The following FREM2 variants were observed in gnomAD, a reference collection of about 807,000 sequenced individuals.
The protein encoded by FREM2 is FRAS1-related extracellular matrix protein 2.
Under a neutral mutation model 219.9 loss-of-function variants are expected in FREM2, and 119 were observed. That is an observed-to-expected ratio of 0.54 (90% CI 0.47 to 0.63). The LOEUF (loss-of-function observed/expected upper bound fraction) is 0.63, where lower values mean the gene tolerates loss of function less well. Ranked by LOEUF, FREM2 falls within the 30% of genes least tolerant of loss-of-function variation. FREM2 has a pLI of 0.00. For synonymous variants in FREM2, 1,562 were observed against 1,522.8 expected, an observed-to-expected ratio of 1.03 and a Z score of -0.60; for missense variants, 4,030 against 3,993.6, an observed-to-expected ratio of 1.01 and a Z score of -0.25.
At chr13:38,793,310 A>T (rs190771287) in intron 6 of FREM2, among the ~76,000 whole-genome samples, 186 of 152,340 alleles carry the variant, frequency 1.2e-3, no homozygotes, top group African/African-American at 4.3e-3. Context: ...CACCTTTCCC[A>T]AACCAGGTTC....
chr13:38,737,196 C>T (rs563511045), intron 2 of FREM2, among the ~76,000 whole-genome samples: 1 of 152,142 alleles, frequency 6.6e-6, no homozygotes, highest in East Asian at 1.9e-4. Context: ...TAATACAGAC[C>T]CTTGAATGTG....
In FREM2 at chr13:38,877,260, G is replaced by T; in HGVS notation, c.8671+17G>T. ...TTGCAGAAGGTATCACTTTACAAATGAGAGGGATGCTCTGTTTGTCATGTA... is the reference window on the plus strand; with the variant it reads ...TTGCAGAAGGTATCACTTTACAAATTAGAGGGATGCTCTGTTTGTCATGTA... On this transcript the variant is annotated intron_variant, in intron 21 of 23. Transcript: ENST00000280481. 1 of 1,613,304 alleles carries T rather than the reference G, an allele frequency of 6.2e-7. No homozygotes were observed. Among genetic ancestry groups the T allele is most frequent in the African/African-American group, 1.3e-5 (1 of 75,014 alleles).
At chr13:38,721,073 G>A (rs1871221059) in intron 2 of FREM2, among the ~76,000 whole-genome samples, 1 of 152,190 alleles carries the variant, frequency 6.6e-6, no homozygotes, top group East Asian at 1.9e-4. Flanking sequence ...CCTAGGTGAT[G>A]GGTTGATAGG....
Position 38,874,546 on chromosome 13 carries a change from A to G in FREM2, c.8241A>G (p.Thr2747=), listed in dbSNP as rs767536393. 1.2e-6 allele frequency: 2 copies of G among 1,614,050 alleles called. No individual in the cohort carries two copies. Among genetic ancestry groups the G allele is most frequent in the African/African-American group, 1.3e-5 (1 of 74,936 alleles). The stretch of plus-strand genomic sequence containing the variant: ...GGCGCTTGGCCGTGCACTTCAAGAC[A>G]GAGGCTCAGTTCCATGGCTTATTTG... ...DEGRLAVHFK[T]EAQFHGLFVL... Residue 2747 remains threonine (T), a synonymous_variant, in exon 18 of 24, where the codon ACA becomes ACG. Transcript: ENST00000280481.
At chr13:38,807,189 T>TATGTA (rs1555268805) in intron 6 of FREM2, among the ~76,000 whole-genome samples, 1 of 45,378 alleles carries the variant, frequency 2.2e-5, no homozygotes, top group African/African-American at 6.2e-5. Flanking sequence ...CTTGTCTCTG[T>TATGTA]TATATATATA....
chr13:38,696,575 G>A (rs941068086), intron 1 of FREM2, among the ~76,000 whole-genome samples: 2 of 151,984 alleles, frequency 1.3e-5, no homozygotes, highest in Admixed American at 1.3e-4. Context: ...TCACTGATTG[G>A]CCCAGATCAA....
chr13:38,846,818 A>C (rs750833188), intron 7 of FREM2, 96 bp downstream of exon 7: 3 of 1,361,762 alleles, frequency 2.2e-6, no homozygotes, highest in Non-Finnish European at 3.1e-6. Flanking sequence ...ACTTCTATTA[A>C]AGCAGTTGGC....
intron 15 of FREM2, among the ~76,000 whole-genome samples, chr13:38,863,862 C>A (rs976084597): frequency 2.6e-5 from 4 of 151,796 alleles, no homozygotes; most frequent in Non-Finnish European, 4.4e-5. Flanking sequence ...GGTGGAGTTT[C>A]ACCTTTGATG....
intron 2 of FREM2, among the ~76,000 whole-genome samples, chr13:38,727,689 AT>A (rs748535775): frequency 1.3e-5 from 2 of 152,236 alleles, no homozygotes; most frequent in Admixed American, 6.5e-5. Flanking sequence ...CACCAAGTAC[AT>A]TACAATGGTA....
chr13:38,764,422 A>T lies in FREM2; in HGVS notation c.5382A>T (p.Arg1794Ser). The T allele has an allele frequency of 3.8e-6, 6 of 1,579,720 alleles. No individual in the cohort carries two copies. The highest frequency in any genetic ancestry group is 4.3e-6 in the Non-Finnish European group (5 of 1,156,140). Residue 1794 changes from arginine to serine, a missense_variant, in exon 3 of 24, where the codon AGA becomes AGT. By Grantham distance (110) the Arg-to-Ser change is moderately radical. Transcript: ENST00000280481. ...TTCTAGATGTTGTTCTTAAACGTAG[A>T]GGTTACTTGGGAGAAACTTCTTTTA... ...SKFLDVVLKR[R>S]GYLGETSFIS...
intron 6 of FREM2, among the ~76,000 whole-genome samples, chr13:38,846,208 T>G (rs9548500): frequency 0.12 from 18,670 of 151,290 alleles, 1,382 homozygotes; most frequent in Admixed American, 0.21. Flanking sequence ...ATGAGTGGCT[T>G]GGCCAAAGTA....
At chr13:38,854,228 C>T (rs1877476200) in intron 11 of FREM2, among the ~76,000 whole-genome samples, 1 of 151,430 alleles carries the variant, frequency 6.6e-6, no homozygotes, top group Non-Finnish European at 1.5e-5. Context: ...AACTTGACCA[C>T]CGTCCAGCAA....
rs1307824036 is a variant in FREM2 at position 38,874,571 on chromosome 13, G to T, written c.8266G>T (p.Val2756Leu). The stretch of plus-strand genomic sequence containing the variant: ...AGAGGCTCAGTTCCATGGCTTATTT[G>T]TGCTGTCACATCCCGGTAAGCCCCG... ...KTEAQFHGLF[V>L]LSHPASFTSS... Residue 2756 changes from valine to leucine, a missense_variant, in exon 18 of 24, where the codon GTG becomes TTG. This residue lies in a region of FREM2 where 928 missense variants were observed against 1,042.9 expected (regional missense o/e 0.89). Transcript: ENST00000280481. 1 of 1,613,972 alleles carries T rather than the reference G, an allele frequency of 6.2e-7. No individual in the cohort carries two copies. The highest frequency in any genetic ancestry group is 1.1e-5 in the South Asian group (1 of 91,070).
chr13:38,819,874 C>A (rs1169414394), intron 6 of FREM2, among the ~76,000 whole-genome samples: 1 of 152,118 alleles, frequency 6.6e-6, no homozygotes, highest in Admixed American at 6.6e-5. Context: ...CTACGCAGCA[C>A]ACTTCATATT....
At chr13:38,741,721 A>G (rs1872257005) in intron 2 of FREM2, among the ~76,000 whole-genome samples, 1 of 152,194 alleles carries the variant, frequency 6.6e-6, no homozygotes, top group Non-Finnish European at 1.5e-5. Flanking sequence ...GAGTTGAAGC[A>G]GCTGTGCTCA....
At chr13:38,771,427 C>T (rs536931908) in intron 4 of FREM2, among the ~76,000 whole-genome samples, 6 of 152,156 alleles carry the variant, frequency 3.9e-5, no homozygotes, top group East Asian at 1.9e-4. Context: ...GTACAATTGC[C>T]GTATTACCTG....
chr13:38,741,726 T>G (rs57806954), intron 2 of FREM2, among the ~76,000 whole-genome samples: 10,848 of 152,226 alleles, frequency 0.071, 1,069 homozygotes, highest in African/African-American at 0.22. Context: ...GAAGCAGCTG[T>G]GCTCATCAGT....
rs371128347 is a variant in FREM2, at chr13:38,784,673, C to T, written c.5884C>T (p.Arg1962Trp). The T allele has an allele frequency of 1.1e-5, 18 of 1,613,986 alleles. No homozygotes were observed. The highest frequency in any genetic ancestry group is 1.5e-5 in the Non-Finnish European group (18 of 1,180,006). Reference sequence around the variant, plus strand: ...CAAAGATGAACGGGAGAAACTGTGTCGGATAGTCATAATTGATGACTCTTT... The same window carrying T: ...CAAAGATGAACGGGAGAAACTGTGTTGGATAGTCATAATTGATGACTCTTT... ...FDKDEREKLC[R>W]IVIIDDSLYE... Residue 1962 changes from arginine to tryptophan, a missense_variant, in exon 6 of 24, where the codon CGG becomes TGG. Coordinates refer to ENST00000280481, the MANE Select transcript of FREM2 (RefSeq NM_207361.6).
chr13:38,708,469 C>G (rs1870628026), intron 2 of FREM2, among the ~76,000 whole-genome samples: 1 of 152,054 alleles, frequency 6.6e-6, no homozygotes, highest in South Asian at 2.1e-4. Flanking sequence ...GCCTGGACAA[C>G]ATGGTGAAAC....
Sources: allele counts gnomAD v4.1 joint callset (sites outside exome capture counted in the v4.1 genomes callset), GRCh38; gene constraint gnomAD v4.1.1; regional missense constraint gnomAD v4.1.1; transcripts MANE v1.5; gene names NCBI Gene and HGNC (gene_info 2026-07-23, HGNC 2026-07-21).